Variants in CHRM2 observed in about 807,000 individuals in gnomAD.
The protein encoded by CHRM2 is muscarinic acetylcholine receptor M2.
Under a neutral mutation model 25.0 loss-of-function variants are expected in CHRM2, and 8 were observed. The ratio of observed to expected loss-of-function variants is 0.32; its 90% CI spans 0.19 to 0.58. The LOEUF (loss-of-function observed/expected upper bound fraction) is 0.58, where lower values mean the gene tolerates loss of function less well. Among genes scored for constraint, CHRM2 ranks in the 20% least tolerant of loss-of-function variants. The probability of loss-of-function intolerance (pLI) is 0.88; values close to 1 mark genes in which losing one functional copy is unlikely to be tolerated. For missense variants in CHRM2, 440 were observed against 567.1 expected, an observed-to-expected ratio of 0.78 and a Z score of 2.28; for synonymous variants, 202 against 205.7, an observed-to-expected ratio of 0.98 and a Z score of 0.15.
At chr7:136,902,897 T>C (rs949272965) in intron 2 of CHRM2, 1 of 332,800 alleles carries the variant, frequency 3.0e-6, no homozygotes, top group Non-Finnish European at 5.8e-6. Flanking sequence ...TGGATGTTTA[T>C]GATAAGGTAC....
rs540404806 is a variant in CHRM2 at position 136,873,218 on chromosome 7, G to A, written c.-125+3800G>A. On this transcript the variant is annotated intron_variant, in intron 2 of 3. Coordinates refer to ENST00000680005, the MANE Select transcript of CHRM2 (RefSeq NM_001006630.2). ...CCTTTGGTTCATTGAGCAGGCATCA[G>A]GACTTCTCTCATTTAAGATAAATGG... is the stretch of plus-strand genomic sequence containing the variant. Among the ~76,000 whole-genome samples the A allele has an allele frequency of 2.6e-5, 4 of 152,264 alleles. No homozygotes were observed. The South Asian group carries it at 8.3e-4, about 32-fold the overall frequency.
chr7:136,999,880 C>T (rs1469140821), intron 3 of CHRM2, among the ~76,000 whole-genome samples: 1 of 151,574 alleles, frequency 6.6e-6, no homozygotes, highest in Admixed American at 6.6e-5. Context: ...CTTATAGAGT[C>T]CAGTAATAAA....
At chr7:136,885,656 T>A (rs1379453725) in intron 2 of CHRM2, among the ~76,000 whole-genome samples, 1 of 152,180 alleles carries the variant, frequency 6.6e-6, no homozygotes, top group Non-Finnish European at 1.5e-5. Context: ...GATACAAAGG[T>A]GATTCATCAT....
intron 2 of CHRM2, among the ~76,000 whole-genome samples, chr7:136,904,426 A>G (rs907298227): frequency 3.9e-5 from 6 of 151,948 alleles, no homozygotes; most frequent in African/African-American, 1.2e-4. Flanking sequence ...TGCTTGTAGT[A>G]TTTATCAAAT....
chr7:136,914,340 A>G (rs79929609), intron 2 of CHRM2: 1 of 151,954 alleles, frequency 6.6e-6, no homozygotes, highest in Non-Finnish European at 1.5e-5. Flanking sequence ...TCTTTATTGC[A>G]TATGATAGTG....
In CHRM2 at chr7:137,015,042, T is replaced by C. The variant is rs1563127994; in HGVS notation, c.177T>C (p.Asn59=). The C allele has an allele frequency of 6.2e-7, 1 of 1,613,436 alleles. No homozygotes were observed. The highest frequency in any genetic ancestry group is 1.7e-4 in the Middle Eastern group (1 of 6,060). Residue 59 remains asparagine, a synonymous_variant, in exon 4 of 4, where the codon AAT becomes AAC. Transcript: ENST00000680005. This position sits in a 1 kb window ranked among gnomAD's most constrained non-coding sequence, Gnocchi z 5.1. ...KVNRHLQTVN[N]YFLFSLACAD... ...ACCGCCACCTCCAGACCGTCAACAA[T>C]TACTTTTTATTCAGCTTGGCCTGTG... is the stretch of plus-strand genomic sequence containing the variant.
chr7:136,961,707 G>A (rs1007255217), intron 2 of CHRM2, among the ~76,000 whole-genome samples: 1 of 151,926 alleles, frequency 6.6e-6, no homozygotes, highest in Non-Finnish European at 1.5e-5. Context: ...TTTTAAACTG[G>A]AAGATGTATC....
intron 2 of CHRM2, among the ~76,000 whole-genome samples, chr7:136,873,544 G>T (rs1223878743): frequency 1.3e-5 from 2 of 152,174 alleles, no homozygotes; most frequent in African/African-American, 4.8e-5. Context: ...TGTAGTAGAT[G>T]TTATTTTCTA....
At chr7:136,921,101 C>T (rs890482430) in intron 2 of CHRM2, among the ~76,000 whole-genome samples, 1 of 151,994 alleles carries the variant, frequency 6.6e-6, no homozygotes, top group Non-Finnish European at 1.5e-5. Flanking sequence ...TGGAAAACAC[C>T]CTGCTCTCCT....
chr7:136,897,144 A>G (rs1796945449), intron 2 of CHRM2, among the ~76,000 whole-genome samples: 2 of 151,808 alleles, frequency 1.3e-5, no homozygotes, highest in Admixed American at 6.6e-5. Flanking sequence ...AAAAAAAAAA[A>G]AAGAAGACAT....
In CHRM2 at chr7:137,008,679, A is replaced by T. The variant is rs538616274; in HGVS notation, c.-46-6141A>T. ...ATCTGTAGGAAGCATGTATACTAAG[A>T]TTACATTTTTAAAACAAAAATTAAA... On this transcript the variant is annotated intron_variant, in intron 3 of 3. Coordinates refer to ENST00000680005, the MANE Select transcript of CHRM2 (RefSeq NM_001006630.2). Among the ~76,000 whole-genome samples, 4 of 152,044 alleles carry T rather than the reference A, an allele frequency of 2.6e-5. No individual in the cohort carries two copies. In the East Asian group the frequency reaches 7.8e-4, roughly 30 times the overall value.
chr7:136,898,716 A>T (rs1250252988), intron 2 of CHRM2: 1 of 152,106 alleles, frequency 6.6e-6, no homozygotes, highest in African/African-American at 2.4e-5. Context: ...CTCAATGTAC[A>T]CTGAGTGAAG....
intron 2 of CHRM2, chr7:136,906,843 C>T (rs1412414779): frequency 2.6e-5 from 4 of 151,398 alleles, no homozygotes; most frequent in Non-Finnish European, 5.9e-5. Context: ...AACGGCATTA[C>T]ATTTATTGTG....
intron 2 of CHRM2, among the ~76,000 whole-genome samples, chr7:136,935,474 T>C (rs939978496): frequency 1.3e-5 from 2 of 152,056 alleles, no homozygotes; most frequent in East Asian, 3.9e-4. Flanking sequence ...AATCTAATGA[T>C]GAAGTTTAAA....
At chr7:137,009,715 A>G (rs890758689) in intron 3 of CHRM2, among the ~76,000 whole-genome samples, 8 of 152,068 alleles carry the variant, frequency 5.3e-5, no homozygotes, top group Non-Finnish European at 1.2e-4. Context: ...ATTATTTGAT[A>G]TTTAGTTCAA....
intron 2 of CHRM2, among the ~76,000 whole-genome samples, chr7:136,987,506 ATTAAC>A (rs1319023963): frequency 2.6e-5 from 4 of 152,202 alleles, no homozygotes; most frequent in Non-Finnish European, 4.4e-5. Context: ...TAGTCATTTG[ATTAAC>A]TTAACATCAC....
At chr7:136,939,206 T>C (rs1298683791) in intron 2 of CHRM2, among the ~76,000 whole-genome samples, 1 of 152,202 alleles carries the variant, frequency 6.6e-6, no homozygotes, top group Non-Finnish European at 1.5e-5. Context: ...TCACCTCTTT[T>C]CCCTCTAAGA....
At position 137,019,693 on chromosome 7, in the gene CHRM2, G is replaced by C. The variant is rs145118118; in HGVS notation, c.*3427G>C. ...ACAAGAAATGATTTTCCTTTTACCA[G>C]TTCATCATTAATTTAACGCCAGCTC... On this transcript the variant is annotated 3_prime_UTR_variant, in exon 4 of 4. Coordinates refer to ENST00000680005, the MANE Select transcript of CHRM2 (RefSeq NM_001006630.2). 4.0e-3 allele frequency: 609 copies of C among 151,934 alleles called. 5 individuals carry two copies. The highest frequency in any genetic ancestry group is 0.014 in the African/African-American group (572 of 41,508). 9.4% of individuals were successfully genotyped at this position (151,934 alleles called of 1,614,324 possible). A position where few individuals can be genotyped will look rare whatever the true frequency, so the allele number is the denominator to read the frequency against.
At chr7:136,891,941 A>G (rs1796706597) in intron 2 of CHRM2, among the ~76,000 whole-genome samples, 1 of 152,196 alleles carries the variant, frequency 6.6e-6, no homozygotes, top group Non-Finnish European at 1.5e-5. Flanking sequence ...CTAGAATTTA[A>G]TGCAGTAATT....
Sources: allele counts gnomAD v4.1 joint callset (sites outside exome capture counted in the v4.1 genomes callset), GRCh38; gene constraint gnomAD v4.1.1; non-coding constraint Gnocchi (gnomAD v3.1); transcripts MANE v1.5; gene names NCBI Gene and HGNC (gene_info 2026-07-23, HGNC 2026-07-21).